LRRC37A: variants seen among roughly 807,000 people sequenced by gnomAD.
LRRC37A encodes leucine rich repeat containing 37A.
Under a neutral mutation model 35.4 loss-of-function variants are expected in LRRC37A, and 3 were observed. The observed-to-expected ratio is 0.08, with a 90% CI of 0.04 to 0.22. The LOEUF (loss-of-function observed/expected upper bound fraction) is 0.22, where lower values mean the gene tolerates loss of function less well. Ranked by LOEUF, LRRC37A falls within the 10% of genes least tolerant of loss-of-function variation. The pLI is 1.00. For synonymous variants in LRRC37A, 23 were observed against 215.0 expected, an observed-to-expected ratio of 0.11 and a Z score of 7.81; for missense variants, 67 against 565.3, an observed-to-expected ratio of 0.12 and a Z score of 8.94.
chr17:46,309,432 T>C (rs1436099758), intron 5 of LRRC37A: 6 of 1,762 alleles, frequency 3.4e-3, no homozygotes, highest in African/African-American at 0.011. Context: ...TCCAGACTGA[T>C]GGCTTATTTT....
the LRRC37A span, among the ~76,000 whole-genome samples, chr17:46,285,247 T>C: frequency 6.6e-6 from 1 of 151,096 alleles, no homozygotes; most frequent in Non-Finnish European, 1.5e-5. Context: ...TTTCCTTTTT[T>C]TTTTTTTTTT....
At chr17:46,280,614 C>T in the LRRC37A span, among the ~76,000 whole-genome samples, 2 of 137,362 alleles carry the variant, frequency 1.5e-5, no homozygotes, top group Non-Finnish European at 3.1e-5. Context: ...CACTCTGACA[C>T]CCAGGCTGGA....
the LRRC37A span, among the ~76,000 whole-genome samples, chr17:46,269,308 T>C: frequency 0.14 from 21,761 of 151,800 alleles, 1,906 homozygotes; most frequent in Non-Finnish European, 0.22. Flanking sequence ...CCGAGGCGGG[T>C]GGATCACCTG....
the LRRC37A span, among the ~76,000 whole-genome samples, chr17:46,284,051 C>A: frequency 6.6e-6 from 1 of 152,056 alleles, no homozygotes; most frequent in Non-Finnish European, 1.5e-5. Flanking sequence ...GGGTTTTATA[C>A]CGAGACATTC....
chr17:46,251,978 G>A, the LRRC37A span, among the ~76,000 whole-genome samples: 2 of 152,084 alleles, frequency 1.3e-5, no homozygotes, highest in Non-Finnish European at 2.9e-5. Context: ...TCTAAGCTGG[G>A]GTGATTGTCC....
At chr17:46,317,182 G>A (rs2051200364) in intron 5 of LRRC37A, among the ~76,000 whole-genome samples, 1 of 84,482 alleles carries the variant, frequency 1.2e-5, no homozygotes, top group Non-Finnish European at 3.6e-5. Flanking sequence ...ATCCCAGACG[G>A]GCATGCCCAG....
intron 3 of LRRC37A, 87 bp from the exon 4 acceptor site, chr17:46,305,421 AG>A: frequency 2.6e-6 from 1 of 389,594 alleles, no homozygotes; most frequent in Non-Finnish European, 5.7e-6. Context: ...GATGAAAAAT[AG>A]GTATTCAGTA....
the LRRC37A span, among the ~76,000 whole-genome samples, chr17:46,267,893 C>CTTTTTTTTTTTTTTTTTTTTTTTTTT: frequency 2.2e-5 from 2 of 89,282 alleles, no homozygotes; most frequent in African/African-American, 6.0e-5. Context: ...ACTCCCACAT[C>CTTTTTTTTTTTTTTTTTTTTTTTTTT]TTTTTTTTTT....
chr17:46,254,051 T>C, the LRRC37A span, among the ~76,000 whole-genome samples: 1 of 152,218 alleles, frequency 6.6e-6, no homozygotes, highest in African/African-American at 2.4e-5. Context: ...GAGGCCATCC[T>C]TTTTTGTAGG....
At chr17:46,253,043 C>A in the LRRC37A span, among the ~76,000 whole-genome samples, 3 of 148,698 alleles carry the variant, frequency 2.0e-5, no homozygotes, top group African/African-American at 7.3e-5. Flanking sequence ...GGGCGGTTGC[C>A]GGGCGGAGGG....
chr17:46,264,972 T>G, the LRRC37A span, among the ~76,000 whole-genome samples: 1 of 152,248 alleles, frequency 6.6e-6, no homozygotes, highest in African/African-American at 2.4e-5. Context: ...AAAGAGCACG[T>G]GAAAGAAGGG....
At chr17:46,285,451 A>G in the LRRC37A span, among the ~76,000 whole-genome samples, 2 of 152,090 alleles carry the variant, frequency 1.3e-5, no homozygotes, top group Non-Finnish European at 2.9e-5. Flanking sequence ...CATGTTGGCC[A>G]GTCTGGTCTC....
chr17:46,261,828 A>G, the LRRC37A span, among the ~76,000 whole-genome samples: 1 of 152,246 alleles, frequency 6.6e-6, no homozygotes, highest in Non-Finnish European at 1.5e-5. Context: ...TTATGCAGGT[A>G]TTCATTACAT....
At chr17:46,300,938 TG>T (rs2143568375) in intron 2 of LRRC37A, among the ~76,000 whole-genome samples, 2 of 72,828 alleles carry the variant, frequency 2.7e-5, no homozygotes, top group African/African-American at 7.0e-5. Context: ...TCAAAAATTT[TG>T]TGCCAACTTA....
At chr17:46,269,008 C>T in the LRRC37A span, among the ~76,000 whole-genome samples, 1 of 152,206 alleles carries the variant, frequency 6.6e-6, no homozygotes, top group Admixed American at 6.5e-5. Context: ...TTAATACATT[C>T]TTTAGTAGAA....
the LRRC37A span, among the ~76,000 whole-genome samples, chr17:46,278,193 G>A: frequency 1.3e-5 from 2 of 151,812 alleles, no homozygotes; most frequent in African/African-American, 2.4e-5. Context: ...TGATCCACCC[G>A]CCTTGGCCTT....
chr17:46,251,984 T>C, the LRRC37A span, among the ~76,000 whole-genome samples: 1 of 152,186 alleles, frequency 6.6e-6, no homozygotes, highest in African/African-American at 2.4e-5. Flanking sequence ...CTGGGGTGAT[T>C]GTCCCCACTA....
At chr17:46,258,184 G>A in the LRRC37A span, among the ~76,000 whole-genome samples, 1 of 152,068 alleles carries the variant, frequency 6.6e-6, no homozygotes, top group Non-Finnish European at 1.5e-5. Context: ...CCAGGTAAGA[G>A]TTCAGTCTTT....
chr17:46,268,793 A>G, the LRRC37A span: 1 of 873,354 alleles, frequency 1.1e-6, no homozygotes, highest in Admixed American at 3.3e-5. Context: ...AGAGAGCCCA[A>G]AGCTACTCTA....
Sources: allele counts gnomAD v4.1 joint callset (sites outside exome capture counted in the v4.1 genomes callset), GRCh38; gene constraint gnomAD v4.1.1; transcripts MANE v1.5; gene names NCBI Gene and HGNC (gene_info 2026-07-23, HGNC 2026-07-21).